BACH2: variants seen among roughly 807,000 people sequenced by gnomAD.
The protein encoded by BACH2 is transcription regulator protein BACH2.
BACH2 carries 5 observed loss-of-function variants against 61.8 expected under a neutral mutation model. That is an observed-to-expected ratio of 0.08 (90% CI 0.04 to 0.17). The LOEUF is 0.17. Among genes scored for constraint, BACH2 ranks in the 10% least tolerant of loss-of-function variants. BACH2 has a pLI of 1.00. For synonymous variants in BACH2, 446 were observed against 440.1 expected, an observed-to-expected ratio of 1.01 and a Z score of -0.17; for missense variants, 824 against 1,091.1, an observed-to-expected ratio of 0.76 and a Z score of 3.45.
intron 6 of BACH2, among the ~76,000 whole-genome samples, chr6:89,966,325 C>T (rs1302758671): frequency 6.6e-6 from 1 of 152,240 alleles, no homozygotes; most frequent in Non-Finnish European, 1.5e-5. Context: ...GATTTCTCCT[C>T]CCTTCTTGTG....
In BACH2 at chr6:90,117,406, C is replaced by A. The variant is rs9986491; in HGVS notation, c.-161-28297G>T. ...TTAGGTGTAAGATTAGAGAGCACTT[C>A]TCCTCAGAACCTTTCTGACTCTTCC... On this transcript the variant is annotated intron_variant, in intron 4 of 8. Transcript: ENST00000257749. Among the ~76,000 whole-genome samples, 1,396 of 152,104 alleles carry A rather than the reference C, an allele frequency of 9.2e-3. 21 individuals are homozygous for A. Among genetic ancestry groups the A allele is most frequent in the African/African-American group, 0.031 (1,291 of 41,448 alleles).
At chr6:90,233,375 G>A (rs1402618206) in intron 3 of BACH2, among the ~76,000 whole-genome samples, 5 of 152,150 alleles carry the variant, frequency 3.3e-5, no homozygotes, top group Admixed American at 1.3e-4. Flanking sequence ...GCCTGCCTTG[G>A]ATGGATCTTG....
intron 4 of BACH2, among the ~76,000 whole-genome samples, chr6:90,199,843 G>A (rs1457464260): frequency 6.6e-6 from 1 of 152,196 alleles, no homozygotes; most frequent in African/African-American, 2.4e-5. Flanking sequence ...GAGAATAGAA[G>A]TGCTACAATG....
At chr6:90,086,731 AC>A (rs1781948837) in intron 5 of BACH2, among the ~76,000 whole-genome samples, 1 of 152,212 alleles carries the variant, frequency 6.6e-6, no homozygotes, top group Non-Finnish European at 1.5e-5. Flanking sequence ...TCCCACAGGA[AC>A]ACTGGATGTG....
intron 7 of BACH2, among the ~76,000 whole-genome samples, chr6:89,947,714 C>T (rs1024032997): frequency 2.6e-5 from 4 of 151,960 alleles, no homozygotes; most frequent in African/African-American, 9.7e-5. Flanking sequence ...TACAGGCGCC[C>T]ACCACGACGC....
At chr6:90,016,351 ACTCT>A (rs1281028547) in intron 5 of BACH2, among the ~76,000 whole-genome samples, 2 of 150,864 alleles carry the variant, frequency 1.3e-5, no homozygotes, top group South Asian at 2.1e-4. Flanking sequence ...TCATCTTCTG[ACTCT>A]CTGTGTTAAC....
intron 5 of BACH2, among the ~76,000 whole-genome samples, chr6:90,077,481 ATTTCCC>A (rs1781523145): frequency 6.6e-6 from 1 of 152,108 alleles, no homozygotes; most frequent in Non-Finnish European, 1.5e-5. Flanking sequence ...TACAAGACAG[ATTTCCC>A]TGGCAGAGTT....
At chr6:90,198,190 C>T (rs62408214) in intron 4 of BACH2, among the ~76,000 whole-genome samples, 12,005 of 152,242 alleles carry the variant, frequency 0.079, 561 homozygotes, top group South Asian at 0.14. Context: ...CTGTATGTAA[C>T]GGCTTGCACC....
At chr6:90,232,418 T>C (rs1271795866) in intron 3 of BACH2, among the ~76,000 whole-genome samples, 1 of 152,214 alleles carries the variant, frequency 6.6e-6, no homozygotes, top group African/African-American at 2.4e-5. Context: ...GAATTGTGTA[T>C]TTATTTTTCT....
intron 3 of BACH2, among the ~76,000 whole-genome samples, chr6:90,226,950 C>T (rs993653423): frequency 2.0e-5 from 3 of 152,134 alleles, no homozygotes; most frequent in African/African-American, 4.8e-5. Flanking sequence ...TAGGATTTGC[C>T]ATGCATAGTA....
chr6:90,042,281 C>T (rs963608945), intron 5 of BACH2, among the ~76,000 whole-genome samples: 2 of 152,124 alleles, frequency 1.3e-5, no homozygotes, highest in South Asian at 4.1e-4. Flanking sequence ...CAACCTCCGC[C>T]TTTTGGGCTC....
chr6:90,190,692 T>C (rs938476819), intron 4 of BACH2, among the ~76,000 whole-genome samples: 2 of 152,220 alleles, frequency 1.3e-5, no homozygotes, highest in Admixed American at 6.5e-5. Flanking sequence ...CTGAAGCCCC[T>C]TGGCGAATCT....
At chr6:90,024,480 G>A (rs190676054) in intron 5 of BACH2, among the ~76,000 whole-genome samples, 4 of 152,136 alleles carry the variant, frequency 2.6e-5, no homozygotes, top group Admixed American at 6.5e-5. Context: ...CAGAGATCTC[G>A]TGTTTTGTCT....
At chr6:89,962,852 G>A (rs1185336984) in intron 6 of BACH2, among the ~76,000 whole-genome samples, 1 of 152,068 alleles carries the variant, frequency 6.6e-6, no homozygotes, top group Admixed American at 6.5e-5. Context: ...AGAAACAAAA[G>A]CAAAAATGAA....
chr6:89,932,378 G>A lies in BACH2; in HGVS notation c.*30C>T, dbSNP rs148726175. ...ACTGAAGAACGCCTGGATGGGAGAGGTGTGCGGACTGGGAGGCAGAGCCGA... is the reference window on the plus strand; with the variant it reads ...ACTGAAGAACGCCTGGATGGGAGAGATGTGCGGACTGGGAGGCAGAGCCGA... On this transcript the variant is annotated 3_prime_UTR_variant, in exon 9 of 9. Transcript: ENST00000257749. 511 of 1,596,446 alleles carry A rather than the reference G, an allele frequency of 3.2e-4. 1 individual carries two copies. In the East Asian group the frequency reaches 9.9e-3, roughly 31 times the overall value.
intron 4 of BACH2, among the ~76,000 whole-genome samples, chr6:90,175,584 G>C (rs550407305): frequency 4.5e-4 from 69 of 152,192 alleles, no homozygotes; most frequent in South Asian, 1.9e-3. Flanking sequence ...TGGGGCGGTG[G>C]GGGGTGAGTG....
intron 6 of BACH2, among the ~76,000 whole-genome samples, chr6:89,976,890 C>T (rs1052316875): frequency 6.6e-6 from 1 of 152,194 alleles, no homozygotes; most frequent in African/African-American, 2.4e-5. Flanking sequence ...ATTAACTTGC[C>T]TGAGCTTTTT....
intron 5 of BACH2, among the ~76,000 whole-genome samples, chr6:90,084,971 C>T (rs963328049): frequency 6.6e-6 from 1 of 152,082 alleles, no homozygotes; most frequent in Non-Finnish European, 1.5e-5. Flanking sequence ...AGTATGGCTA[C>T]TGGGCCCCAT....
intron 4 of BACH2, among the ~76,000 whole-genome samples, chr6:90,111,931 T>TTA (rs1303346471): frequency 6.6e-6 from 1 of 152,212 alleles, no homozygotes; most frequent in Non-Finnish European, 1.5e-5. Flanking sequence ...TGACAATGGG[T>TTA]GGTAGGATAC....
Sources: allele counts gnomAD v4.1 joint callset (sites outside exome capture counted in the v4.1 genomes callset), GRCh38; gene constraint gnomAD v4.1.1; transcripts MANE v1.5; gene names NCBI Gene and HGNC (gene_info 2026-07-23, HGNC 2026-07-21).